Variants in PTPRG observed in about 807,000 individuals in gnomAD.
The protein encoded by PTPRG is receptor-type tyrosine-protein phosphatase gamma.
In PTPRG, 102 loss-of-function variants were observed where a neutral mutation model predicts 165.3. The ratio of observed to expected loss-of-function variants is 0.62; its 90% CI spans 0.53 to 0.73. PTPRG has a LOEUF of 0.73. PTPRG is among the 30% of genes least tolerant of loss of function. PTPRG has a pLI of 0.00. For missense variants in PTPRG, 1,866 were observed against 1,861.4 expected (o/e 1.00, Z -0.05); for synonymous variants, 675 against 669.5 (o/e 1.01, Z -0.13).
intron 5 of PTPRG, among the ~76,000 whole-genome samples, chr3:62,106,449 T>C (rs1702474043): frequency 6.6e-6 from 1 of 151,806 alleles, no homozygotes; most frequent in African/African-American, 2.4e-5. Flanking sequence ...TAATAGATAA[T>C]TGTCTTATAG....
chr3:62,267,952 T>A, intron 19 of PTPRG, 133 bp downstream of exon 19: 1 of 1,048,382 alleles, frequency 9.5e-7, no homozygotes, highest in South Asian at 1.7e-5. Context: ...CTCTGCTTTA[T>A]CTTGCTTATG....
intron 2 of PTPRG, among the ~76,000 whole-genome samples, chr3:61,984,732 A>C (rs1705155463): frequency 6.6e-6 from 1 of 151,984 alleles, no homozygotes; most frequent in African/African-American, 2.4e-5. Context: ...TTTTTCCATT[A>C]ATTTTTGTTT....
At chr3:62,026,143 G>A (rs2041798874) in intron 4 of PTPRG, among the ~76,000 whole-genome samples, 1 of 152,156 alleles carries the variant, frequency 6.6e-6, no homozygotes, top group Admixed American at 6.5e-5. Context: ...TGCATAAATA[G>A]CCATAATGGA....
chr3:61,875,260 A>G (rs764829322), intron 2 of PTPRG, among the ~76,000 whole-genome samples: 3 of 152,154 alleles, frequency 2.0e-5, no homozygotes, highest in Non-Finnish European at 4.4e-5. Context: ...TGGTTCTGCA[A>G]CTGACACTTG....
intron 2 of PTPRG, among the ~76,000 whole-genome samples, chr3:61,782,750 A>G (rs1484641559): frequency 2.0e-5 from 3 of 152,134 alleles, no homozygotes; most frequent in Admixed American, 6.6e-5. Context: ...ATGCTCTTTC[A>G]TTCATGGTAA....
chr3:62,164,513 G>A (rs986812980), intron 7 of PTPRG, among the ~76,000 whole-genome samples: 3 of 152,118 alleles, frequency 2.0e-5, no homozygotes, highest in African/African-American at 7.2e-5. Flanking sequence ...TGCTAAGCTC[G>A]TCCTCCTTTC....
At chr3:62,090,518 A>G (rs1225761768) in intron 5 of PTPRG, among the ~76,000 whole-genome samples, 1 of 152,138 alleles carries the variant, frequency 6.6e-6, no homozygotes, top group Non-Finnish European at 1.5e-5. Context: ...TGTCAGACCA[A>G]AGTTTTGTGG....
At chr3:61,956,245 T>C (rs986491476) in intron 2 of PTPRG, among the ~76,000 whole-genome samples, 1 of 151,492 alleles carries the variant, frequency 6.6e-6, no homozygotes, top group Non-Finnish European at 1.5e-5. Flanking sequence ...TATGTCCCCA[T>C]AACAGCCAGT....
In PTPRG at chr3:62,132,686, A is replaced by C. The variant is rs1559548422; in HGVS notation, c.682+18A>C. 2 of 1,588,112 alleles carry C rather than the reference A, an allele frequency of 1.3e-6. No homozygotes were observed. The highest frequency in any genetic ancestry group is 3.3e-5 in the Admixed American group (2 of 59,988). On this transcript the variant is annotated intron_variant, in intron 6 of 29. Transcript: ENST00000474889. ...ACATCATGGTAAGTATGCCACATAC[A>C]CTTCCTTTTGCTGGGATGTGAAGGG...
intron 2 of PTPRG, among the ~76,000 whole-genome samples, chr3:61,908,340 G>C (rs554744814): frequency 7.6e-5 from 11 of 144,598 alleles, no homozygotes; most frequent in East Asian, 6.2e-4. Context: ...GTGGGGAATC[G>C]CTTGAACCTG....
At position 62,257,032 on chromosome 3, in the gene PTPRG, GGTGAAAGGGCT is replaced by G. The variant is rs575627754; in HGVS notation, c.2559+1820_2559+1830del. On this transcript the variant is annotated intron_variant, in intron 16 of 29. Coordinates refer to ENST00000474889, the MANE Select transcript of PTPRG (RefSeq NM_002841.4). ...GTGGAATGGGGAGGGCAGGCAGGAA[GGTGAAAGGGCT>G]GTTGTGATTTCACTGTCTTTTCAGG... Among the ~76,000 whole-genome samples, 471 of 152,232 alleles carry G rather than the reference GGTGAAAGGGCT, an allele frequency of 3.1e-3. 3 individuals carry two copies. The highest frequency in any genetic ancestry group is 0.011 in the African/African-American group (455 of 41,540).
intron 28 of PTPRG, among the ~76,000 whole-genome samples, chr3:62,290,060 T>A (rs1029435508): frequency 6.6e-6 from 1 of 152,074 alleles, no homozygotes; most frequent in Admixed American, 6.6e-5. Context: ...TCAGTAACCT[T>A]CCCATGCATG....
At chr3:62,122,840 G>T (rs1703128691) in intron 5 of PTPRG, among the ~76,000 whole-genome samples, 1 of 152,120 alleles carries the variant, frequency 6.6e-6, no homozygotes. Flanking sequence ...AGAAGGAGGG[G>T]AAATGCCTTT....
chr3:61,661,511 A>C (rs1702667887), intron 1 of PTPRG, among the ~76,000 whole-genome samples: 2 of 152,274 alleles, frequency 1.3e-5, no homozygotes, highest in South Asian at 4.1e-4. Flanking sequence ...TGTTTTTTAG[A>C]ATTATAGCAT....
At chr3:61,811,062 A>G (rs1258908052) in intron 2 of PTPRG, among the ~76,000 whole-genome samples, 1 of 152,170 alleles carries the variant, frequency 6.6e-6, no homozygotes, top group Non-Finnish European at 1.5e-5. Context: ...TCTCCCTGTC[A>G]TAGCCCAGCA....
At chr3:61,820,396 A>G (rs1184172485) in intron 2 of PTPRG, among the ~76,000 whole-genome samples, 1 of 152,140 alleles carries the variant, frequency 6.6e-6, no homozygotes, top group Non-Finnish European at 1.5e-5. Context: ...ACATTGAGGT[A>G]CCCACTCGTA....
chr3:61,744,623 C>T (rs1029152813), intron 1 of PTPRG, among the ~76,000 whole-genome samples: 111 of 152,238 alleles, frequency 7.3e-4, no homozygotes, highest in African/African-American at 2.5e-3. Flanking sequence ...TCATGTGGCA[C>T]ATTACTTGAT....
intron 2 of PTPRG, among the ~76,000 whole-genome samples, chr3:61,920,849 G>A (rs940037554): frequency 6.6e-6 from 1 of 152,116 alleles, no homozygotes. Flanking sequence ...GTTCATTAAA[G>A]AATTGGAAAT....
chr3:61,595,126 A>G lies in PTPRG; in HGVS notation c.85+32754A>G, dbSNP rs140385118. ...GTCTGGACATGCTGCATGTGTCTGT[A>G]TAATGAGAGCAGCAATAATCTCCCA... On this transcript the variant is annotated intron_variant, in intron 1 of 29. Transcript: ENST00000474889. Among the ~76,000 whole-genome samples, 694 of 152,178 alleles carry G rather than the reference A, an allele frequency of 4.6e-3. 6 individuals are homozygous for G. The highest frequency in any genetic ancestry group is 0.015 in the African/African-American group (641 of 41,470).
Sources: allele counts gnomAD v4.1 joint callset (sites outside exome capture counted in the v4.1 genomes callset), GRCh38; gene constraint gnomAD v4.1.1; transcripts MANE v1.5; gene names NCBI Gene and HGNC (gene_info 2026-07-23, HGNC 2026-07-21).